CD163L1: variants seen among roughly 807,000 people sequenced by gnomAD.
CD163L1 encodes scavenger receptor cysteine-rich type 1 protein M160.
A neutral mutation model predicts 165.4 loss-of-function variants in CD163L1; 124 were observed. The ratio of observed to expected loss-of-function variants is 0.75; its 90% CI spans 0.65 to 0.87. CD163L1 has a LOEUF of 0.87. Ranked by LOEUF, CD163L1 falls within the 40% of genes least tolerant of loss-of-function variation. The pLI is 0.00. For missense variants in CD163L1, 1,525 were observed against 1,799.9 expected, an observed-to-expected ratio of 0.85 and a Z score of 2.76; for synonymous variants, 585 against 662.2, an observed-to-expected ratio of 0.88 and a Z score of 1.79.
chr12:7,401,352 T>C, intron 6 of CD163L1, among the ~76,000 whole-genome samples: 1 of 152,104 alleles, frequency 6.6e-6, no homozygotes. Context: ...ATATTCAGTG[T>C]TAATATGATA....
chr12:7,402,310 A>C (rs1947928802), intron 6 of CD163L1, among the ~76,000 whole-genome samples: 1 of 152,166 alleles, frequency 6.6e-6, no homozygotes, highest in Non-Finnish European at 1.5e-5. Flanking sequence ...GAGAAACAAG[A>C]TACAAAATAA....
At chr12:7,407,768 C>T (rs1302761579) in intron 4 of CD163L1, among the ~76,000 whole-genome samples, 1 of 147,784 alleles carries the variant, frequency 6.8e-6, no homozygotes, top group Admixed American at 6.9e-5. Context: ...TGTATATATA[C>T]ACACACACAT....
At chr12:7,395,836 A>G (rs1377888742) in intron 8 of CD163L1, among the ~76,000 whole-genome samples, 1 of 152,114 alleles carries the variant, frequency 6.6e-6, no homozygotes, top group Non-Finnish European at 1.5e-5. Context: ...CTTTTTGTAG[A>G]ATTGTATTGA....
At chr12:7,392,830 A>C (rs754906076) in intron 8 of CD163L1, among the ~76,000 whole-genome samples, 1 of 152,216 alleles carries the variant, frequency 6.6e-6, no homozygotes, top group African/African-American at 2.4e-5. Flanking sequence ...GAAGAAGTGG[A>C]TAAATTCCTG....
intron 4 of CD163L1, among the ~76,000 whole-genome samples, chr12:7,348,218 C>T (rs1359333155): frequency 6.6e-6 from 1 of 152,194 alleles, no homozygotes; most frequent in East Asian, 1.9e-4. Context: ...TCTGCAACCA[C>T]TCTGTGCAAG....
chr12:7,366,604 A>G (rs1416453802), intron 18 of CD163L1, among the ~76,000 whole-genome samples: 2 of 152,198 alleles, frequency 1.3e-5, no homozygotes, highest in African/African-American at 4.8e-5. Flanking sequence ...CAACATTATA[A>G]AAGATGAAAC....
intron 17 of CD163L1, 82 bp from the exon 18 acceptor site, chr12:7,367,413 C>T (rs1947047250): frequency 2.4e-6 from 2 of 820,514 alleles, no homozygotes; most frequent in South Asian, 1.8e-5. Flanking sequence ...TAAGGTTTGA[C>T]ACATATTAAT....
intron 1 of CD163L1, among the ~76,000 whole-genome samples, chr12:7,441,969 T>G (rs1051739716): frequency 2.0e-5 from 3 of 152,064 alleles, no homozygotes; most frequent in Admixed American, 2.0e-4. Flanking sequence ...TGAACTAAGA[T>G]AGGCAGGAGC....
the CD163L1 span, chr12:7,327,110 C>A: frequency 6.3e-7 from 1 of 1,584,706 alleles, no homozygotes. Context: ...GTGCTTTGCC[C>A]AAAAGTTAAG....
In CD163L1 at chr12:7,433,562, C is replaced by T. The variant is rs897242699; in HGVS notation, c.257G>A (p.Cys86Tyr). ...GWNTTASTVVCKQLGCPFSFA... is the reference protein window; with the variant it reads ...GWNTTASTVVYKQLGCPFSFA... ...AGAAAATGGACATCCAAGCTGTTTG[C>T]ACACGACAGTTGAGGCAGTAGTGTT... The change falls in exon 3 of 20, where the codon TGC becomes TAC. Residue 86 changes from cysteine (C) to tyrosine (Y), a missense_variant. Transcript: ENST00000313599. 6.2e-7 allele frequency: 1 copy of T among 1,614,146 alleles called. No homozygotes were observed. Among genetic ancestry groups the T allele is most frequent in the Non-Finnish European group, 8.5e-7 (1 of 1,180,018 alleles).
chr12:7,349,630 C>G (rs1304273359), intron 4 of CD163L1, among the ~76,000 whole-genome samples: 1 of 152,202 alleles, frequency 6.6e-6, no homozygotes, highest in Non-Finnish European at 1.5e-5. Flanking sequence ...ACCAAACGAT[C>G]TGACTCATGT....
Position 7,374,785 on chromosome 12 carries a change from CA to C in CD163L1, c.3095-30del, listed in dbSNP as rs1235882733. ...AGAGGAGAAAGTCCAGTTAATAGGTCACATTCTTTAGAGTTGCAGTGTTTCC... is the reference window on the plus strand; with the variant it reads ...AGAGGAGAAAGTCCAGTTAATAGGTCCATTCTTTAGAGTTGCAGTGTTTCC... On this transcript the variant is annotated intron_variant, in intron 12 of 19. Transcript: ENST00000313599. This position sits in a 1 kb window ranked among gnomAD's most constrained non-coding sequence, Gnocchi z 5.4. 2 of 1,614,000 alleles carry C rather than the reference CA, an allele frequency of 1.2e-6. No individual in the cohort carries two copies. Among genetic ancestry groups the C allele is most frequent in the Non-Finnish European group, 1.7e-6 (2 of 1,179,914 alleles).
At chr12:7,394,053 C>A (rs771145665) in intron 8 of CD163L1, among the ~76,000 whole-genome samples, 23 of 150,238 alleles carry the variant, frequency 1.5e-4, no homozygotes, top group Non-Finnish European at 2.2e-4. Context: ...CTTTCTTCAC[C>A]GAATTGGAAA....
chr12:7,441,018 C>T (rs1487323207), intron 2 of CD163L1, 136 bp downstream of exon 2: 1 of 590,654 alleles, frequency 1.7e-6, no homozygotes, highest in East Asian at 2.8e-5. Context: ...CCTTTATTTA[C>T]AGGGTATAGC....
chr12:7,376,774 ACTT>A (rs1947279493), intron 9 of CD163L1, among the ~76,000 whole-genome samples: 1 of 152,016 alleles, frequency 6.6e-6, no homozygotes, highest in South Asian at 2.1e-4. Flanking sequence ...TAATCCCAAA[ACTT>A]CTCACCCCTT....
chr12:7,418,322 A>G (rs772325183), intron 4 of CD163L1, among the ~76,000 whole-genome samples: 25 of 152,184 alleles, frequency 1.6e-4, no homozygotes, highest in African/African-American at 4.8e-4. Context: ...AAATTTAAAA[A>G]TTCTTTGAAC....
Position 7,369,952 on chromosome 12 carries a change from C to T in CD163L1, c.3731-287G>A, listed in dbSNP as rs1174467691. On this transcript the variant is annotated intron_variant, in intron 14 of 19. Coordinates refer to ENST00000313599, the MANE Select transcript of CD163L1 (RefSeq NM_174941.6). The surrounding 1 kb of genome is among the most constrained non-coding windows in gnomAD (Gnocchi z 4.9). ...GTTTGAAAACAAAACATATTGATTTCATTTTCCAAATTTCAGTGTCCTATC... is the reference window on the plus strand; with the variant it reads ...GTTTGAAAACAAAACATATTGATTTTATTTTCCAAATTTCAGTGTCCTATC... Among the ~76,000 whole-genome samples, 23 of 152,200 alleles carry T rather than the reference C, an allele frequency of 1.5e-4. 1 individual carries two copies. Among genetic ancestry groups the T allele is most frequent in the Admixed American group, 1.5e-3 (23 of 15,274 alleles).
the CD163L1 span, among the ~76,000 whole-genome samples, chr12:7,322,228 C>T: frequency 6.6e-6 from 1 of 152,168 alleles, no homozygotes; most frequent in African/African-American, 2.4e-5. Context: ...GTTATAATCA[C>T]TAATGTGCCC....
chr12:7,344,801 A>C (rs1322924393), downstream of CD163L1, among the ~76,000 whole-genome samples: 1 of 152,258 alleles, frequency 6.6e-6, no homozygotes, highest in Non-Finnish European at 1.5e-5. Flanking sequence ...ACCACATGGA[A>C]GGCACCAAGG....
Sources: gnomAD v4.1 joint callset for allele counts (sites outside exome capture counted in the v4.1 genomes callset) on GRCh38, gnomAD v4.1.1 for gene constraint, Gnocchi (gnomAD v3.1) non-coding constraint, MANE v1.5 for transcripts, NCBI Gene and HGNC (gene_info 2026-07-23, HGNC 2026-07-21) for gene names.